The following GLIS3 variants were observed in gnomAD, a reference collection of about 807,000 sequenced individuals.
GLIS3 encodes zinc finger protein GLIS3.
A neutral mutation model predicts 78.6 loss-of-function variants in GLIS3; 53 were observed. The observed-to-expected ratio is 0.67, with a 90% CI of 0.54 to 0.85. The LOEUF is 0.85. Among genes scored for constraint, GLIS3 ranks in the 40% least tolerant of loss-of-function variants. The probability of loss-of-function intolerance (pLI) is 0.00; values close to 1 mark genes in which losing one functional copy is unlikely to be tolerated. For synonymous variants in GLIS3, 684 were observed against 509.9 expected (o/e 1.34, Z -4.60); for missense variants, 1,703 against 1,231.1 (o/e 1.38, Z -5.74).
At chr9:4,193,222 A>C (rs963252295) in intron 2 of GLIS3, among the ~76,000 whole-genome samples, 1 of 152,258 alleles carries the variant, frequency 6.6e-6, no homozygotes, top group Admixed American at 6.5e-5. Context: ...TTTACATTTT[A>C]AAACGGCTTT....
rs543164651 is a variant in GLIS3 at position 4,125,631 on chromosome 9, T to TAA, written c.596+102_596+103insTT. ...AGAGTTGCTTGAGTGTGTAAGTGTA[T>TAA]GAGTGTGTGTGTGTGTGTGTGTGTA... On this transcript the variant is annotated intron_variant, in intron 3 of 10. Transcript: ENST00000381971. 3,495 of 792,568 alleles carry TAA rather than the reference T, an allele frequency of 4.4e-3. 8 individuals are homozygous for TAA. Among genetic ancestry groups the TAA allele is most frequent in the African/African-American group, 0.016 (751 of 45,656 alleles). 49.1% of individuals were successfully genotyped at this position (792,568 alleles called of 1,614,324 possible).
rs145687497 is a variant in GLIS3, at chr9:3,990,049, A to G, written c.1711-52860T>C. ...TTCTCACAAGTGCATGTGAATTTAC[A>G]ATTATCTCAACAAACACTTGAAAGC... On this transcript the variant is annotated intron_variant, in intron 4 of 10. Transcript: ENST00000381971. 2.0e-5 allele frequency among the ~76,000 whole-genome samples: 3 copies of G among 152,346 alleles called. No homozygotes were observed. In the East Asian group the frequency reaches 5.8e-4, roughly 29 times the overall value.
intron 4 of GLIS3, among the ~76,000 whole-genome samples, chr9:4,050,525 A>G (rs1481410871): frequency 1.3e-5 from 2 of 152,156 alleles, no homozygotes; most frequent in Non-Finnish European, 2.9e-5. Context: ...GCAGCAAGCC[A>G]ACATGGCACA....
chr9:4,369,111 A>G, the GLIS3 span, among the ~76,000 whole-genome samples: 1 of 152,188 alleles, frequency 6.6e-6, no homozygotes, highest in Non-Finnish European at 1.5e-5. Flanking sequence ...TATCTCTTTG[A>G]AAATCAGCTT....
intron 8 of GLIS3, among the ~76,000 whole-genome samples, chr9:3,859,499 TAAAC>T (rs1161916331): frequency 4.6e-5 from 7 of 152,294 alleles, no homozygotes; most frequent in African/African-American, 1.7e-4. Flanking sequence ...GATGCTAAAA[TAAAC>T]AAAACATTGT....
chr9:4,208,551 G>A (rs1820081805), intron 2 of GLIS3, among the ~76,000 whole-genome samples: 1 of 152,220 alleles, frequency 6.6e-6, no homozygotes, highest in African/African-American at 2.4e-5. Context: ...GATTGGAAGA[G>A]CCATTTCTTC....
intron 4 of GLIS3, among the ~76,000 whole-genome samples, chr9:4,011,143 G>C (rs953902000): frequency 2.6e-5 from 4 of 152,122 alleles, no homozygotes; most frequent in Admixed American, 1.3e-4. Context: ...AGTAAAAGCA[G>C]AGTCCAAAAT....
chr9:3,876,230 G>T (rs557001254), intron 8 of GLIS3, among the ~76,000 whole-genome samples: 4 of 152,100 alleles, frequency 2.6e-5, no homozygotes, highest in East Asian at 1.9e-4. Context: ...TAAATGTCCC[G>T]AGTTCTTCAA....
intron 4 of GLIS3, among the ~76,000 whole-genome samples, chr9:4,080,973 G>C (rs1828513380): frequency 1.3e-5 from 2 of 152,152 alleles, no homozygotes; most frequent in Admixed American, 6.6e-5. Flanking sequence ...CAGCAACACA[G>C]GGCAACTGAT....
the GLIS3 span, among the ~76,000 whole-genome samples, chr9:4,441,326 C>T: frequency 1.3e-5 from 2 of 152,136 alleles, no homozygotes; most frequent in African/African-American, 4.8e-5. Flanking sequence ...AGGCACATTC[C>T]TTCTATACCT....
At chr9:4,037,821 T>A (rs1824462293) in intron 4 of GLIS3, among the ~76,000 whole-genome samples, 1 of 152,214 alleles carries the variant, frequency 6.6e-6, no homozygotes, top group South Asian at 2.1e-4. Context: ...AGTCTTTTTT[T>A]AAATACACCA....
intron 4 of GLIS3, among the ~76,000 whole-genome samples, chr9:3,987,879 A>C (rs552962670): frequency 6.6e-6 from 1 of 152,006 alleles, no homozygotes; most frequent in East Asian, 1.9e-4. Context: ...CATCATAATT[A>C]AAAATTTAAA....
At chr9:4,158,978 T>G (rs1267666883) in intron 2 of GLIS3, among the ~76,000 whole-genome samples, 2 of 132,126 alleles carry the variant, frequency 1.5e-5, no homozygotes, top group African/African-American at 3.0e-5. Context: ...AAAAAATGGC[T>G]AGTACAAAGA....
At chr9:4,373,122 A>C in the GLIS3 span, among the ~76,000 whole-genome samples, 1 of 152,236 alleles carries the variant, frequency 6.6e-6, no homozygotes, top group African/African-American at 2.4e-5. Context: ...CAAGCACAGA[A>C]AAATACGGGC....
intron 2 of GLIS3, among the ~76,000 whole-genome samples, chr9:4,327,662 T>C (rs73641427): frequency 0.2 from 30,202 of 152,106 alleles, 3,106 homozygotes; most frequent in African/African-American, 0.26. Context: ...GGCCAGTCAG[T>C]GCCACCACAT....
the GLIS3 span, among the ~76,000 whole-genome samples, chr9:4,420,524 G>T: frequency 6.6e-6 from 1 of 152,146 alleles, no homozygotes; most frequent in East Asian, 1.9e-4. Context: ...CAATAAACTC[G>T]GGGGTAAGGC....
chr9:4,062,166 G>A (rs1588575128), intron 4 of GLIS3, among the ~76,000 whole-genome samples: 2 of 152,184 alleles, frequency 1.3e-5, no homozygotes, highest in Non-Finnish European at 2.9e-5. Flanking sequence ...TTGACGCAAA[G>A]GAGCTCAACA....
chr9:4,068,788 C>T (rs1012557306), intron 4 of GLIS3, among the ~76,000 whole-genome samples: 1 of 151,578 alleles, frequency 6.6e-6, no homozygotes, highest in East Asian at 1.9e-4. Context: ...TCTTTCTTGA[C>T]TACAGGTTTT....
At chr9:4,250,568 C>T (rs934168545) in intron 2 of GLIS3, among the ~76,000 whole-genome samples, 5 of 144,916 alleles carry the variant, frequency 3.5e-5, no homozygotes, top group East Asian at 2.0e-4. Flanking sequence ...ACCTAGCTCC[C>T]GTATTCATTA....
Sources: allele counts gnomAD v4.1 joint callset (sites outside exome capture counted in the v4.1 genomes callset), GRCh38; gene constraint gnomAD v4.1.1; transcripts MANE v1.5; gene names NCBI Gene and HGNC (gene_info 2026-07-23, HGNC 2026-07-21).